Variants in FAAH2 observed in about 807,000 individuals in gnomAD.
FAAH2 encodes the protein fatty-acid amide hydrolase 2.
In FAAH2, 60 loss-of-function variants were observed where a neutral mutation model predicts 36.9. The observed-to-expected ratio is 1.63, with a 90% confidence interval of 1.32 to 2.02. The LOEUF (loss-of-function observed/expected upper bound fraction) is 2.02, where lower values mean the gene tolerates loss of function less well. Ranked by LOEUF, FAAH2 falls within the 30% of genes most tolerant of loss-of-function variation. FAAH2 has a pLI of 0.00. For synonymous variants in FAAH2, 214 were observed against 143.8 expected (o/e 1.49, Z -3.49); for missense variants, 689 against 397.5 (o/e 1.73, Z -6.23).
At chrX:57,321,240 T>C (rs1452426310) in intron 3 of FAAH2, among the ~76,000 whole-genome samples, 1 of 109,858 alleles carries the variant, frequency 9.1e-6, no homozygotes, top group Non-Finnish European at 1.9e-5. Flanking sequence ...CGGAAAACAC[T>C]GCATGTTCTC....
At chrX:57,450,439 TTCTA>T (rs1347667052) in intron 10 of FAAH2, among the ~76,000 whole-genome samples, 1 of 111,652 alleles carries the variant, frequency 9.0e-6, no homozygotes, top group Non-Finnish European at 1.9e-5. Context: ...TTCAGTTGTA[TTCTA>T]TCTGACTTTA....
chrX:57,173,483 T>C, the FAAH2 span, among the ~76,000 whole-genome samples: 1 of 111,748 alleles, frequency 8.9e-6, no homozygotes, highest in Non-Finnish European at 1.9e-5. Context: ...TTTGGAGGAG[T>C]CTTTAATGTC....
chrX:57,435,604 C>T (rs5914105), intron 8 of FAAH2, among the ~76,000 whole-genome samples: 22,874 of 108,977 alleles, frequency 0.21, 2,274 homozygotes, highest in Middle Eastern at 0.55. Context: ...CAAATAAGGT[C>T]ATTGTATAAT....
chrX:57,333,476 T>A, intron 4 of FAAH2, among the ~76,000 whole-genome samples: 1 of 111,859 alleles, frequency 8.9e-6, no homozygotes. Flanking sequence ...AGACTGAGAA[T>A]TGAAACCATT....
chrX:57,339,868 T>C (rs2053643472), intron 4 of FAAH2, among the ~76,000 whole-genome samples: 1 of 111,943 alleles, frequency 8.9e-6, no homozygotes, highest in Non-Finnish European at 1.9e-5. Flanking sequence ...GGAGCAGAAA[T>C]ACCATTTTAC....
chrX:57,374,351 C>T (rs980103692), intron 5 of FAAH2, among the ~76,000 whole-genome samples: 2 of 111,496 alleles, frequency 1.8e-5, no homozygotes, highest in East Asian at 2.8e-4. Flanking sequence ...CAGGATGGGA[C>T]GTGTTTCCAT....
chrX:57,421,857 A>G (rs748373507), intron 7 of FAAH2, among the ~76,000 whole-genome samples: 27 of 111,911 alleles, frequency 2.4e-4, no homozygotes, highest in African/African-American at 8.4e-4. Flanking sequence ...TGTTTTCCCA[A>G]TAAGTCTAGA....
chrX:57,296,313 G>A (rs2052155433), intron 2 of FAAH2, among the ~76,000 whole-genome samples: 1 of 111,783 alleles, frequency 8.9e-6, no homozygotes, highest in Admixed American at 9.5e-5. Context: ...CTGTTCTGCA[G>A]CCACCACTGC....
At chrX:57,184,437 C>T in the FAAH2 span, among the ~76,000 whole-genome samples, 1 of 112,284 alleles carries the variant, frequency 8.9e-6, no homozygotes, top group Non-Finnish European at 1.9e-5. Flanking sequence ...TAAAATTCCT[C>T]TCTTTGTACT....
the FAAH2 span, among the ~76,000 whole-genome samples, chrX:57,216,077 T>C: frequency 9.2e-6 from 1 of 108,268 alleles, no homozygotes; most frequent in South Asian, 4.2e-4. Context: ...CGAAAATCCA[T>C]TGGTGGGATT....
chrX:57,193,587 C>T, the FAAH2 span, among the ~76,000 whole-genome samples: 12 of 111,280 alleles, frequency 1.1e-4, no homozygotes, highest in African/African-American at 1.3e-4. Context: ...CGGAACCTAC[C>T]GACATATTAT....
At chrX:57,442,749 G>A (rs1306580809) in intron 8 of FAAH2, among the ~76,000 whole-genome samples, 4 of 111,862 alleles carry the variant, frequency 3.6e-5, no homozygotes, top group Admixed American at 2.8e-4. Context: ...GGCTGTTACT[G>A]GTTGTTCCTT....
At chrX:57,269,348 C>T in the FAAH2 span, among the ~76,000 whole-genome samples, 1 of 111,027 alleles carries the variant, frequency 9.0e-6, no homozygotes, top group Non-Finnish European at 1.9e-5. Context: ...TATTAATGAC[C>T]TGAACTCAGC....
At chrX:57,455,080 C>T (rs1214525984) in intron 10 of FAAH2, among the ~76,000 whole-genome samples, 1 of 111,400 alleles carries the variant, frequency 9.0e-6, no homozygotes. Flanking sequence ...AAAGTAAACC[C>T]CACCAGACTC....
chrX:57,168,477 T>C, the FAAH2 span, among the ~76,000 whole-genome samples: 1 of 112,126 alleles, frequency 8.9e-6, no homozygotes, highest in Non-Finnish European at 1.9e-5. Context: ...TATATTGATA[T>C]CTTCAAATCA....
intron 3 of FAAH2, among the ~76,000 whole-genome samples, chrX:57,313,249 G>T (rs2052744868): frequency 1.8e-5 from 2 of 110,086 alleles, no homozygotes; most frequent in African/African-American, 6.6e-5. Flanking sequence ...AATGATATAA[G>T]AAAACCAAAC....
intron 9 of FAAH2, 123 bp from the exon 10 acceptor site, chrX:57,448,401 C>T: frequency 3.0e-6 from 2 of 667,478 alleles, no homozygotes; most frequent in Non-Finnish European, 4.3e-6. Flanking sequence ...GTTTCCTTTT[C>T]CATCACTTAC....
intron 2 of FAAH2, among the ~76,000 whole-genome samples, chrX:57,302,403 G>T (rs2052399074): frequency 9.0e-6 from 1 of 111,583 alleles, no homozygotes; most frequent in African/African-American, 3.3e-5. Context: ...TATACACCTG[G>T]TAGCATGCTA....
chrX:57,246,441 A>C, the FAAH2 span, among the ~76,000 whole-genome samples: 1 of 111,998 alleles, frequency 8.9e-6, no homozygotes, highest in South Asian at 3.7e-4. Context: ...TTTCAGGCCA[A>C]TATCCCTGAG....
Sources: allele counts gnomAD v4.1 joint callset (sites outside exome capture counted in the v4.1 genomes callset), GRCh38; gene constraint gnomAD v4.1.1; transcripts MANE v1.5; gene names NCBI Gene and HGNC (gene_info 2026-07-23, HGNC 2026-07-21).